Variants in FGF12 observed in about 807,000 individuals in gnomAD.
The protein encoded by FGF12 is fibroblast growth factor 12B.
In FGF12, 14 loss-of-function variants were observed where a neutral mutation model predicts 23.6. The observed-to-expected ratio is 0.59, with a 90% CI of 0.39 to 0.93. The LOEUF (loss-of-function observed/expected upper bound fraction) is 0.93, where lower values mean the gene tolerates loss of function less well. Ranked by LOEUF, FGF12 falls within the 40% of genes least tolerant of loss-of-function variation. FGF12 has a pLI of 0.00. For missense variants in FGF12, 175 were observed against 217.8 expected (o/e 0.80, Z 1.24); for synonymous variants, 62 against 77.3 (o/e 0.80, Z 1.04).
At chr3:192,437,561 G>A (rs933443170) in intron 2 of FGF12, among the ~76,000 whole-genome samples, 1 of 152,024 alleles carries the variant, frequency 6.6e-6, no homozygotes, top group Non-Finnish European at 1.5e-5. Flanking sequence ...GTGTGGTGGT[G>A]GGTGCCTGTA....
At chr3:192,533,212 A>G (rs1260789316) in intron 2 of FGF12, among the ~76,000 whole-genome samples, 2 of 152,184 alleles carry the variant, frequency 1.3e-5, no homozygotes, top group Non-Finnish European at 2.9e-5. Context: ...ATGTTCAAGA[A>G]CTGGCACAAT....
At chr3:192,305,186 A>T (rs1226587989) in intron 4 of FGF12, among the ~76,000 whole-genome samples, 11 of 152,166 alleles carry the variant, frequency 7.2e-5, no homozygotes, top group Non-Finnish European at 1.5e-5. Flanking sequence ...TACAACTCTT[A>T]GACCATTTTT....
intron 2 of FGF12, among the ~76,000 whole-genome samples, chr3:192,500,220 T>A (rs1196413783): frequency 6.6e-6 from 1 of 152,208 alleles, no homozygotes; most frequent in Non-Finnish European, 1.5e-5. Flanking sequence ...CCACATACTG[T>A]CTTTCAGTTA....
intron 2 of FGF12, among the ~76,000 whole-genome samples, chr3:192,402,398 T>G (rs1459621847): frequency 6.6e-6 from 1 of 152,178 alleles, no homozygotes; most frequent in Non-Finnish European, 1.5e-5. Context: ...GCCCTGAAGA[T>G]CTCCATCAGC....
chr3:192,146,142 G>T (rs556774792), intron 5 of FGF12, among the ~76,000 whole-genome samples: 434 of 152,118 alleles, frequency 2.9e-3, no homozygotes, highest in Non-Finnish European at 4.7e-3. Flanking sequence ...CCCACAGATT[G>T]CTAAATCAGA....
intron 2 of FGF12, among the ~76,000 whole-genome samples, chr3:192,720,293 A>T (rs887798664): frequency 2.0e-5 from 3 of 152,252 alleles, no homozygotes; most frequent in African/African-American, 7.2e-5. Flanking sequence ...AAAGCCAGGC[A>T]GAGTATGCGC....
At chr3:192,585,188 A>G (rs1713324342) in intron 2 of FGF12, among the ~76,000 whole-genome samples, 1 of 152,148 alleles carries the variant, frequency 6.6e-6, no homozygotes, top group Non-Finnish European at 1.5e-5. Flanking sequence ...GTCGGGTCCA[A>G]ACAATACTAT....
chr3:192,391,343 A>C (rs2108761757), intron 2 of FGF12, among the ~76,000 whole-genome samples: 1 of 152,336 alleles, frequency 6.6e-6, no homozygotes, highest in South Asian at 2.1e-4. Flanking sequence ...CTGGTGATTT[A>C]ATTTAGAATG....
At chr3:192,427,476 A>G (rs773177907) in intron 2 of FGF12, among the ~76,000 whole-genome samples, 5 of 152,214 alleles carry the variant, frequency 3.3e-5, no homozygotes, top group African/African-American at 1.2e-4. Flanking sequence ...TAGGTTCTCA[A>G]TGAACATAAA....
chr3:192,654,023 G>A (rs954071722), intron 2 of FGF12, among the ~76,000 whole-genome samples: 4 of 152,188 alleles, frequency 2.6e-5, no homozygotes, highest in Non-Finnish European at 5.9e-5. Context: ...ACAGCACCTG[G>A]CCTCATTTGA....
chr3:192,389,025 C>A (rs758592330), intron 2 of FGF12, among the ~76,000 whole-genome samples: 1 of 152,102 alleles, frequency 6.6e-6, no homozygotes, highest in South Asian at 2.1e-4. Context: ...GATACTCTTA[C>A]AACGAAACAT....
intron 2 of FGF12, among the ~76,000 whole-genome samples, chr3:192,397,812 GC>G (rs1434446751): frequency 2.0e-5 from 3 of 151,982 alleles, no homozygotes; most frequent in Non-Finnish European, 4.4e-5. Flanking sequence ...CCTACTTTGG[GC>G]ACTTATTTAA....
chr3:192,465,414 A>G (rs1722980906), intron 2 of FGF12, among the ~76,000 whole-genome samples: 1 of 152,272 alleles, frequency 6.6e-6, no homozygotes, highest in African/African-American at 2.4e-5. Context: ...ATAAAAATAA[A>G]CCCAAGACTT....
intron 2 of FGF12, among the ~76,000 whole-genome samples, chr3:192,497,218 G>C (rs1028936951): frequency 6.6e-6 from 1 of 152,198 alleles, no homozygotes; most frequent in Middle Eastern, 3.4e-3. Flanking sequence ...TCTTCACCTC[G>C]TTGCTCAGGA....
chr3:192,197,978 C>T (rs1232829031), intron 4 of FGF12, among the ~76,000 whole-genome samples: 5 of 147,824 alleles, frequency 3.4e-5, no homozygotes, highest in Admixed American at 1.4e-4. Flanking sequence ...AAAAGTCCTC[C>T]GGGGGTCCCG....
intron 4 of FGF12, among the ~76,000 whole-genome samples, chr3:192,206,624 A>G (rs1717661358): frequency 6.6e-6 from 1 of 152,232 alleles, no homozygotes; most frequent in South Asian, 2.1e-4. Context: ...ACCATATCAC[A>G]CATTTTGAAA....
chr3:192,607,846 TAAAAA>T (rs36061162), intron 2 of FGF12, among the ~76,000 whole-genome samples: 7 of 122,050 alleles, frequency 5.7e-5, no homozygotes, highest in East Asian at 4.5e-4. Flanking sequence ...CACTGAAAAT[TAAAAA>T]AAAAAAAAAA....
chr3:192,720,274 T>C (rs1718997720), intron 2 of FGF12, among the ~76,000 whole-genome samples: 1 of 152,232 alleles, frequency 6.6e-6, no homozygotes, highest in African/African-American at 2.4e-5. Flanking sequence ...TGGGGCTTGT[T>C]TCAGGTAAAA....
intron 5 of FGF12, among the ~76,000 whole-genome samples, chr3:192,167,731 G>GTATA (rs11394352): frequency 0.015 from 387 of 25,016 alleles, 11 homozygotes; most frequent in Non-Finnish European, 0.019. Context: ...TAGGTTATAG[G>GTATA]TATATATATA....
Sources: allele counts gnomAD v4.1 joint callset (sites outside exome capture counted in the v4.1 genomes callset), GRCh38; gene constraint gnomAD v4.1.1; transcripts MANE v1.5; gene names NCBI Gene and HGNC (gene_info 2026-07-23, HGNC 2026-07-21).